Variants in TCF15 observed in about 807,000 individuals in gnomAD.
TCF15 encodes TCF-15.
A neutral mutation model predicts 11.1 loss-of-function variants in TCF15; 7 were observed. The observed-to-expected ratio is 0.63, with a 90% CI of 0.36 to 1.19. The LOEUF is 1.19. TCF15 is among the 50% of genes most tolerant of loss of function. The probability of loss-of-function intolerance (pLI) is 0.02; values close to 1 mark genes in which losing one functional copy is unlikely to be tolerated. For missense variants in TCF15, 288 were observed against 289.4 expected (o/e 1.00, Z 0.03); for synonymous variants, 144 against 138.9 (o/e 1.04, Z -0.26).
Position 610,034 on chromosome 20 carries a change from C to T in TCF15, c.204G>A (p.Val68=). The change falls in exon 1 of 2, where the codon GTG becomes GTA. Residue 68 remains valine (V), a synonymous_variant. Coordinates refer to ENST00000246080, the MANE Select transcript of TCF15 (RefSeq NM_004609.4). The part of the protein sequence containing the change: ...RAGGGGGAGP[V]VVVRQRQAAN... The stretch of plus-strand genomic sequence containing the variant: ...CCGCCTGCCGCTGTCGCACCACCAC[C>T]ACGGGGCCCGCGCCGCCGCCGCCGC... 1 of 1,220,514 alleles carries T rather than the reference C, an allele frequency of 8.2e-7. No homozygotes were observed. The highest frequency in any genetic ancestry group is 3.4e-5 in the South Asian group (1 of 29,690). The allele number at this position is 1,220,514 out of a possible 1,614,324, so 75.6% of individuals were successfully genotyped here. A position where few individuals can be genotyped will look rare whatever the true frequency, so the allele number is the denominator to read the frequency against.
Position 604,741 on chromosome 20 carries a change from CAA to C in TCF15, c.526-78_526-77del. 1 of 1,137,868 alleles carries C rather than the reference CAA, an allele frequency of 8.8e-7. No individual in the cohort carries two copies. Among genetic ancestry groups the C allele is most frequent in the South Asian group, 1.6e-5 (1 of 63,190 alleles). The allele number at this position is 1,137,868 out of a possible 1,614,324, so 70.5% of individuals were successfully genotyped here. The stretch of plus-strand genomic sequence containing the variant: ...CACTGGAACTAACCTCTGTATCCCT[CAA>C]GAGGGATCCTGATCAATAAATCACA... On this transcript the variant is annotated intron_variant, in intron 1 of 1. Transcript: ENST00000246080. This position sits in a 1 kb window ranked among gnomAD's most constrained non-coding sequence, Gnocchi z 4.2.
In TCF15 at chr20:604,475, G is replaced by C; in HGVS notation, c.*116C>G. 1 of 968,262 alleles carries C rather than the reference G, an allele frequency of 1.0e-6. No individual in the cohort carries two copies. The highest frequency in any genetic ancestry group is 1.6e-5 in the African/African-American group (1 of 61,892). The allele number at this position is 968,262 out of a possible 1,614,324, so 60.0% of individuals were successfully genotyped here. ...CCGAGGGCCCTGCCCAGAGTGTCCC[G>C]GAACAGGCCATGGTCCCCCGGTCCC... On this transcript the variant is annotated 3_prime_UTR_variant, in exon 2 of 2. Coordinates refer to ENST00000246080, the MANE Select transcript of TCF15 (RefSeq NM_004609.4). The surrounding 1 kb of genome is among the most constrained non-coding windows in gnomAD (Gnocchi z 4.2).
intron 1 of TCF15, among the ~76,000 whole-genome samples, chr20:607,582 T>C (rs1468227547): frequency 6.6e-6 from 1 of 152,224 alleles, no homozygotes; most frequent in Non-Finnish European, 1.5e-5. Context: ...GCATGGTTTC[T>C]ACAGCCAAAT....
rs2020003815 is a variant in TCF15, at chr20:609,512, T to C, written c.525+201A>G. Among the ~76,000 whole-genome samples the C allele has an allele frequency of 2.6e-5, 4 of 152,062 alleles. No individual in the cohort carries two copies. ...GAGCAGTTAAATCAGACCCGAACTC[T>C]GGGTTTTCCCGCATCCTTCTGTTTG... is the stretch of plus-strand genomic sequence containing the variant. On this transcript the variant is annotated intron_variant, in intron 1 of 1. Transcript: ENST00000246080. The surrounding 1 kb of genome is among the most constrained non-coding windows in gnomAD (Gnocchi z 4.7).
chr20:609,684 G>A lies in TCF15; in HGVS notation c.525+29C>T, dbSNP rs2020005395. 2 of 1,335,664 alleles carry A rather than the reference G, an allele frequency of 1.5e-6. No individual in the cohort carries two copies. The highest frequency in any genetic ancestry group is 1.9e-6 in the Non-Finnish European group (2 of 1,051,214). 82.7% of individuals were successfully genotyped at this position (1,335,664 alleles called of 1,614,324 possible). ...TGCCCCCCGCCTACCCCGACCTGGC[G>A]GCCGCAGCGAGGGACGCAGCACACT... On this transcript the variant is annotated intron_variant, in intron 1 of 1. Transcript: ENST00000246080. The surrounding 1 kb of genome is among the most constrained non-coding windows in gnomAD (Gnocchi z 4.7).
At chr20:607,886 G>T (rs1450745311) in intron 1 of TCF15, among the ~76,000 whole-genome samples, 3 of 152,212 alleles carry the variant, frequency 2.0e-5, no homozygotes, top group African/African-American at 7.2e-5. Flanking sequence ...GGCTGTTGCA[G>T]GATTTTAATG....
chr20:605,295 C>G (rs1434844735), intron 1 of TCF15, among the ~76,000 whole-genome samples: 1 of 152,254 alleles, frequency 6.6e-6, no homozygotes, highest in Non-Finnish European at 1.5e-5. Context: ...GGTCCTCCCC[C>G]TGCCTGACTG....
intron 1 of TCF15, among the ~76,000 whole-genome samples, chr20:608,142 C>T (rs1466674655): frequency 1.3e-5 from 2 of 152,176 alleles, no homozygotes; most frequent in East Asian, 3.8e-4. Flanking sequence ...AGCACTCACC[C>T]TGGGTTGGAG....
intron 1 of TCF15, among the ~76,000 whole-genome samples, chr20:606,260 G>A (rs1483862869): frequency 6.6e-6 from 1 of 151,988 alleles, no homozygotes; most frequent in East Asian, 1.9e-4. Flanking sequence ...TAGGGGAGGG[G>A]GTGCAATATT....
intron 1 of TCF15, among the ~76,000 whole-genome samples, chr20:605,903 C>G (rs1389993122): frequency 6.6e-6 from 1 of 152,220 alleles, no homozygotes; most frequent in Non-Finnish European, 1.5e-5. Context: ...CTATGTTGTC[C>G]AACAATCTGT....
In TCF15 at chr20:604,812, A is replaced by T; in HGVS notation, c.526-147T>A. The T allele has an allele frequency of 1.4e-6, 1 of 705,884 alleles. No homozygotes were observed. 43.7% of individuals were successfully genotyped at this position (705,884 alleles called of 1,614,324 possible). On this transcript the variant is annotated intron_variant, in intron 1 of 1. Transcript: ENST00000246080. This position sits in a 1 kb window ranked among gnomAD's most constrained non-coding sequence, Gnocchi z 4.2. ...GTTCTCTGCAACAGAAAGCAGAAGA[A>T]ACCCTTTCTGGACTGATACAGACTG...
intron 1 of TCF15, among the ~76,000 whole-genome samples, chr20:607,800 C>T (rs781330126): frequency 6.6e-6 from 1 of 152,228 alleles, no homozygotes. Flanking sequence ...AATCCTGGTT[C>T]CATCACTGAC....
chr20:607,632 G>A (rs2019987272), intron 1 of TCF15, among the ~76,000 whole-genome samples: 1 of 152,240 alleles, frequency 6.6e-6, no homozygotes, highest in Non-Finnish European at 1.5e-5. Flanking sequence ...TCCCAGGGAA[G>A]CGGCCAGGCC....
At chr20:605,906 C>A (rs1164538863) in intron 1 of TCF15, among the ~76,000 whole-genome samples, 5 of 152,250 alleles carry the variant, frequency 3.3e-5, no homozygotes. Flanking sequence ...TGTTGTCCAA[C>A]AATCTGTCCT....
intron 1 of TCF15, among the ~76,000 whole-genome samples, chr20:606,435 T>G (rs189332879): frequency 6.6e-6 from 1 of 152,138 alleles, no homozygotes; most frequent in Admixed American, 6.5e-5. Context: ...TCTTCATCTA[T>G]GAAATGGGGA....
rs551240630 is a variant in TCF15, at chr20:604,765, C to A, written c.526-100G>T. 2 of 941,568 alleles carry A rather than the reference C, an allele frequency of 2.1e-6. No homozygotes were observed. Among genetic ancestry groups the A allele is most frequent in the Admixed American group, 6.0e-5 (2 of 33,252 alleles). 58.3% of individuals were successfully genotyped at this position (941,568 alleles called of 1,614,324 possible). A position where few individuals can be genotyped will look rare whatever the true frequency, so the allele number is the denominator to read the frequency against. ...TCAAGAGGGATCCTGATCAATAAAT[C>A]ACAGTTCAGCCACACGATCAAGTTC... On this transcript the variant is annotated intron_variant, in intron 1 of 1. Transcript: ENST00000246080. This position sits in a 1 kb window ranked among gnomAD's most constrained non-coding sequence, Gnocchi z 4.2.
chr20:610,204 G>A lies in TCF15; in HGVS notation c.34C>T (p.His12Tyr), dbSNP rs2020013092. 9.7e-7 allele frequency: 1 copy of A among 1,032,008 alleles called. No homozygotes were observed. The highest frequency in any genetic ancestry group is 1.2e-6 in the Non-Finnish European group (1 of 856,912). The allele number at this position is 1,032,008 out of a possible 1,614,324, so 63.9% of individuals were successfully genotyped here. A position where few individuals can be genotyped will look rare whatever the true frequency, so the allele number is the denominator to read the frequency against. ...AFALLRPVGA[H>Y]VLYPDVRLLS... ...AGCCGCACGTCCGGGTACAGCACGT[G>A]CGCGCCGACGGGCCGCAGCAGCGCG... Residue 12 changes from histidine (H) to tyrosine (Y), a missense_variant, in exon 1 of 2, where the codon CAC (histidine) becomes TAC (tyrosine). Physicochemically the swap from His to Tyr is moderately conservative, Grantham distance 83 (BLOSUM62 2). Coordinates refer to ENST00000246080, the MANE Select transcript of TCF15 (RefSeq NM_004609.4).
In TCF15 at chr20:609,841, A is replaced by G; in HGVS notation, c.397T>C (p.Ser133Pro). 1.3e-6 allele frequency: 2 copies of G among 1,524,858 alleles called. No homozygotes were observed. Among genetic ancestry groups the G allele is most frequent in the Non-Finnish European group, 8.7e-7 (1 of 1,147,104 alleles). The allele number at this position is 1,524,858 out of a possible 1,614,324, so 94.5% of individuals were successfully genotyped here. The stretch of plus-strand genomic sequence containing the variant: ...AAGCACGGCTGCCCGTCGTCGGCCG[A>G]GTCGCCCAGCAGCAGCACGTTGGCC... Reference protein sequence around the residue: ...HLANVLLLGDSADDGQPCFRA... With the variant: ...HLANVLLLGDPADDGQPCFRA... Residue 133 changes from serine to proline, a missense_variant, in exon 1 of 2, where the codon TCG becomes CCG. Coordinates refer to ENST00000246080, the MANE Select transcript of TCF15 (RefSeq NM_004609.4). This position sits in a 1 kb window ranked among gnomAD's most constrained non-coding sequence, Gnocchi z 4.7.
intron 1 of TCF15, among the ~76,000 whole-genome samples, chr20:608,503 C>G (rs2019995127): frequency 2.0e-5 from 3 of 152,240 alleles, no homozygotes; most frequent in Admixed American, 1.3e-4. Flanking sequence ...CAGCAGGGAC[C>G]CTGGAGAGGG....
Sources: gnomAD v4.1 joint callset for allele counts (sites outside exome capture counted in the v4.1 genomes callset) on GRCh38, gnomAD v4.1.1 for gene constraint, Gnocchi (gnomAD v3.1) non-coding constraint, MANE v1.5 for transcripts, NCBI Gene and HGNC (gene_info 2026-07-23, HGNC 2026-07-21) for gene names.